The following TSN variants were observed in gnomAD, a reference collection of about 807,000 sequenced individuals.
The protein encoded by TSN is translin.
In TSN, 5 loss-of-function variants were observed where a neutral mutation model predicts 29.4. That is an observed-to-expected ratio of 0.17 (90% CI 0.09 to 0.36). The LOEUF is 0.36. Ranked by LOEUF, TSN falls within the 10% of genes least tolerant of loss-of-function variation. TSN has a pLI of 1.00. For synonymous variants in TSN, 106 were observed against 102.2 expected (o/e 1.04, Z -0.23); for missense variants, 159 against 272.8 (o/e 0.58, Z 2.94).
In TSN at chr2:121,767,224, TTATAAC is replaced by T. The variant is rs953017263; in HGVS notation, c.*1861_*1866del. On this transcript the variant is annotated 3_prime_UTR_variant, in exon 6 of 6. Transcript: ENST00000389682. ...ATTTGAGGATTTAGAAGTGTCATGT[TTATAAC>T]TATTCAGTTGTGTTTGTTGCTGGCT... The T allele has an allele frequency of 1.3e-5, 2 of 152,234 alleles. No individual in the cohort carries two copies. The highest frequency in any genetic ancestry group is 2.9e-5 in the Non-Finnish European group (2 of 68,044). The allele number at this position is 152,234 out of a possible 1,614,324, so 9.4% of individuals were successfully genotyped here. A position where few individuals can be genotyped will look rare whatever the true frequency, so the allele number is the denominator to read the frequency against.
intron 5 of TSN, among the ~76,000 whole-genome samples, chr2:121,763,812 T>C (rs1427776845): frequency 1.3e-5 from 2 of 152,130 alleles, no homozygotes; most frequent in East Asian, 3.8e-4. Context: ...AGTAGCAAAA[T>C]TGAGTAGTTG....
At position 121,763,033 on chromosome 2, in the gene TSN, T is replaced by C. The variant is rs1465225723; in HGVS notation, c.402T>C (p.His134=). 4 of 1,611,388 alleles carry C rather than the reference T, an allele frequency of 2.5e-6. No individual in the cohort carries two copies. Among genetic ancestry groups the C allele is most frequent in the Non-Finnish European group, 3.4e-6 (4 of 1,179,232 alleles). ...GIEPDREKGF[H]LDVEDYLSGV... The stretch of plus-strand genomic sequence containing the variant: ...AGCCAGATCGGGAGAAAGGATTTCA[T>C]CTGGATGTAGAAGATTATCTCTCAG... The change falls in exon 5 of 6, where the codon CAT becomes CAC. Residue 134 remains histidine (H), a synonymous_variant. Transcript: ENST00000389682.
chr2:121,757,451 G>C (rs769677750), intron 2 of TSN, 118 bp downstream of exon 2: 2 of 1,546,220 alleles, frequency 1.3e-6, no homozygotes, highest in East Asian at 4.9e-5. Context: ...AAAAATTGAA[G>C]AAGTAGGTGA....
At chr2:121,760,765 T>C (rs905818306) in intron 3 of TSN, among the ~76,000 whole-genome samples, 3 of 152,154 alleles carry the variant, frequency 2.0e-5, no homozygotes, top group Non-Finnish European at 4.4e-5. Flanking sequence ...CAATCATCAG[T>C]TACAAATTTT....
chr2:121,760,198 T>C (rs550110198), intron 3 of TSN, among the ~76,000 whole-genome samples: 3 of 152,340 alleles, frequency 2.0e-5, no homozygotes, highest in African/African-American at 4.8e-5. Context: ...TCGATTCTCA[T>C]AGTAGTGCGA....
At chr2:121,762,440 T>G (rs1342947072) in intron 4 of TSN, among the ~76,000 whole-genome samples, 1 of 152,242 alleles carries the variant, frequency 6.6e-6, no homozygotes, top group Non-Finnish European at 1.5e-5. Flanking sequence ...TTCCCAAATA[T>G]TTTCTATCCA....
chr2:121,759,672 T>C (rs188157091), intron 3 of TSN, among the ~76,000 whole-genome samples: 82 of 152,174 alleles, frequency 5.4e-4, no homozygotes, highest in African/African-American at 1.8e-3. Context: ...GGTGTTAAAC[T>C]GGGAAAAACT....
chr2:121,758,867 T>C (rs1003252886), intron 3 of TSN, 61 bp downstream of exon 3: 218 of 1,157,760 alleles, frequency 1.9e-4, no homozygotes, highest in Non-Finnish European at 2.3e-4. Context: ...AAAAATTATG[T>C]GTACCAAATG....
chr2:121,759,884 T>C (rs1372475594), intron 3 of TSN, among the ~76,000 whole-genome samples: 1 of 152,198 alleles, frequency 6.6e-6, no homozygotes, highest in Non-Finnish European at 1.5e-5. Flanking sequence ...TTTTGTTTTT[T>C]CAAGAGTTGT....
Position 121,764,483 on chromosome 2 carries a change from G to A in TSN, c.454-651G>A, listed in dbSNP as rs7566135. On this transcript the variant is annotated intron_variant, in intron 5 of 5. Transcript: ENST00000389682. Reference sequence around the variant, plus strand: ...CAAACAAAAAACCCGTATGTTGACAGTGCACTAAAGGGGTAAGCCTGGAAA... The same window carrying A: ...CAAACAAAAAACCCGTATGTTGACAATGCACTAAAGGGGTAAGCCTGGAAA... Among the ~76,000 whole-genome samples the A allele has an allele frequency of 7.2e-3, 1,101 of 152,134 alleles. 11 individuals are homozygous for A. The highest frequency in any genetic ancestry group is 0.025 in the African/African-American group (1,048 of 41,494).
chr2:121,764,550 T>A (rs1015198896), intron 5 of TSN, among the ~76,000 whole-genome samples: 2 of 152,098 alleles, frequency 1.3e-5, no homozygotes, highest in South Asian at 2.1e-4. Context: ...TTTTTATTAT[T>A]TTAATATATT....
At chr2:121,755,905 C>G in intron 1 of TSN, 60 bp downstream of exon 1, 1 of 1,610,002 alleles carries the variant, frequency 6.2e-7, no homozygotes, top group South Asian at 1.1e-5. Flanking sequence ...GCCACTTCGC[C>G]CGGCCCTCCT....
intron 2 of TSN, chr2:121,757,606 C>A: frequency 2.1e-6 from 1 of 472,016 alleles, no homozygotes; most frequent in Non-Finnish European, 3.7e-6. Flanking sequence ...CAGCTCTCTG[C>A]CAGCACAGTA....
Position 121,758,818 on chromosome 2 carries a change from A to T in TSN, c.257+12A>T. On this transcript the variant is annotated intron_variant, in intron 3 of 5. Coordinates refer to ENST00000389682, the MANE Select transcript of TSN (RefSeq NM_004622.3). ...GAACAGTATTACAGGTTTGTAAGAAAAATAGCATTATTTTATAATGTTAAG... is the reference window on the plus strand; with the variant it reads ...GAACAGTATTACAGGTTTGTAAGAATAATAGCATTATTTTATAATGTTAAG... 6.7e-7 allele frequency: 1 copy of T among 1,491,294 alleles called. No homozygotes were observed. The highest frequency in any genetic ancestry group is 9.0e-7 in the Non-Finnish European group (1 of 1,113,730). 92.4% of individuals were successfully genotyped at this position (1,491,294 alleles called of 1,614,324 possible). A position where few individuals can be genotyped will look rare whatever the true frequency, so the allele number is the denominator to read the frequency against.
chr2:121,757,560 T>C, intron 2 of TSN: 1 of 772,746 alleles, frequency 1.3e-6, no homozygotes, highest in Non-Finnish European at 2.0e-6. Flanking sequence ...ATAATTACAA[T>C]TGCTTAACCC....
intron 1 of TSN, chr2:121,756,687 C>A: frequency 7.9e-7 from 1 of 1,264,572 alleles, no homozygotes; most frequent in South Asian, 1.3e-5. Context: ...GCCAGATCAC[C>A]TGAGGTAAGG....
intron 2 of TSN, chr2:121,757,544 C>T (rs1255308130): frequency 4.4e-6 from 4 of 916,104 alleles, no homozygotes; most frequent in Non-Finnish European, 6.4e-6. Context: ...GGGCATTCTA[C>T]TGATGATAAT....
chr2:121,756,908 C>CAA (rs548676853), intron 1 of TSN, among the ~76,000 whole-genome samples: 4 of 63,874 alleles, frequency 6.3e-5, no homozygotes, highest in Non-Finnish European at 1.3e-4. Context: ...GACTCCGTCT[C>CAA]AAAAAAAAAA....
chr2:121,761,480 CAG>C lies in TSN; in HGVS notation c.331_332del (p.Glu111AsnfsTer15). The C allele has an allele frequency of 6.2e-7, 1 of 1,614,108 alleles. No individual in the cohort carries two copies. Among genetic ancestry groups the C allele is most frequent in the Non-Finnish European group, 8.5e-7 (1 of 1,180,006 alleles). On this transcript the variant is annotated frameshift_variant, in exon 4 of 6. Transcript: ENST00000389682. LOFTEE classifies it high-confidence loss of function. The stretch of plus-strand genomic sequence containing the variant: ...GCAGCATTTGTTGTGTATTTGGAAA[CAG>C]AAACACTAGTGACTCGAGAAGCAGT...
Sources: gnomAD v4.1 joint callset for allele counts (sites outside exome capture counted in the v4.1 genomes callset) on GRCh38, gnomAD v4.1.1 for gene constraint, MANE v1.5 for transcripts, NCBI Gene and HGNC (gene_info 2026-07-23, HGNC 2026-07-21) for gene names.